Variants in PDZRN3 observed in about 807,000 individuals in gnomAD.
PDZRN3 encodes PDZ domain containing ring finger 3.
Under a neutral mutation model 85.7 loss-of-function variants are expected in PDZRN3, and 38 were observed. That is an observed-to-expected ratio of 0.44 (90% CI 0.34 to 0.58). The LOEUF is 0.58. PDZRN3 is among the 20% of genes least tolerant of loss of function. The pLI, the probability that PDZRN3 is intolerant of heterozygous loss-of-function variation, is 0.01. For missense variants in PDZRN3, 1,629 were observed against 1,506.4 expected (o/e 1.08, Z -1.35); for synonymous variants, 759 against 638.0 (o/e 1.19, Z -2.86).
At chr3:73,439,791 T>C (rs903072833) in intron 3 of PDZRN3, among the ~76,000 whole-genome samples, 2 of 152,154 alleles carry the variant, frequency 1.3e-5, no homozygotes, top group African/African-American at 4.8e-5. Context: ...CAGGCTGGAA[T>C]GCAGTGGTGT....
chr3:73,429,097 G>A (rs966161273), intron 3 of PDZRN3, among the ~76,000 whole-genome samples: 2 of 151,868 alleles, frequency 1.3e-5, no homozygotes, highest in African/African-American at 4.8e-5. Context: ...CTTTTGTAGC[G>A]ATGGGATCTC....
intron 9 of PDZRN3, 86 bp from the exon 10 acceptor site, chr3:73,385,016 A>G (rs1349095475): frequency 4.1e-6 from 6 of 1,468,840 alleles, no homozygotes; most frequent in Non-Finnish European, 5.5e-6. Flanking sequence ...CGGTTTCTGG[A>G]TAGGGCAGGC....
Position 73,404,258 on chromosome 3 carries a change from C to A in PDZRN3, c.1056G>T (p.Gln352His), listed in dbSNP as rs2106728689. The change falls in exon 4 of 10, where the codon CAG (glutamine) becomes CAT (histidine). Residue 352 changes from glutamine to histidine, a missense_variant. Coordinates refer to ENST00000263666, the MANE Select transcript of PDZRN3 (RefSeq NM_015009.3). ...CGGTTTGGGTTCCCGTGTCCACCAG[C>A]TGAGACTCTGATGGAGGCGTGAACA... is the stretch of plus-strand genomic sequence containing the variant. ...TKMFTPPSES[Q>H]LVDTGTQTDI... The A allele has an allele frequency of 6.2e-7, 1 of 1,614,152 alleles. No homozygotes were observed. Among genetic ancestry groups the A allele is most frequent in the South Asian group, 1.1e-5 (1 of 91,072 alleles).
At chr3:73,404,607 A>G in intron 3 of PDZRN3, 1 of 513,152 alleles carries the variant, frequency 1.9e-6, no homozygotes, top group Non-Finnish European at 3.4e-6. Flanking sequence ...GCATGCAATA[A>G]TAAATCTCAC....
intron 3 of PDZRN3, among the ~76,000 whole-genome samples, chr3:73,479,842 G>A (rs997952986): frequency 6.6e-6 from 1 of 152,040 alleles, no homozygotes; most frequent in Admixed American, 6.6e-5. Context: ...GGCTATAGGT[G>A]GTATTATTTT....
chr3:73,519,171 A>C (rs143424874), intron 3 of PDZRN3, among the ~76,000 whole-genome samples: 3 of 152,312 alleles, frequency 2.0e-5, no homozygotes, highest in African/African-American at 7.2e-5. Flanking sequence ...GCACTGGCTG[A>C]TGGAGTCCCT....
chr3:73,539,279 C>T (rs1007997962), intron 3 of PDZRN3, among the ~76,000 whole-genome samples: 1 of 152,138 alleles, frequency 6.6e-6, no homozygotes, highest in Non-Finnish European at 1.5e-5. Flanking sequence ...AGATAGGTCA[C>T]CTTGAGATAG....
chr3:73,391,599 T>C (rs1701529558), intron 5 of PDZRN3, among the ~76,000 whole-genome samples: 1 of 152,252 alleles, frequency 6.6e-6, no homozygotes. Flanking sequence ...GAGGGTAATG[T>C]GATAGCGTGC....
chr3:73,519,435 T>G (rs1267488563), intron 3 of PDZRN3, among the ~76,000 whole-genome samples: 1 of 152,162 alleles, frequency 6.6e-6, no homozygotes, highest in Non-Finnish European at 1.5e-5. Context: ...AGTGTTAACT[T>G]CTGGGGCAAA....
At chr3:73,525,634 C>T (rs1001727702) in intron 3 of PDZRN3, among the ~76,000 whole-genome samples, 1 of 152,150 alleles carries the variant, frequency 6.6e-6, no homozygotes, top group South Asian at 2.1e-4. Context: ...TACCAATAAC[C>T]ACATGCACTC....
intron 3 of PDZRN3, among the ~76,000 whole-genome samples, chr3:73,473,034 G>C (rs1453444881): frequency 6.6e-6 from 1 of 152,114 alleles, no homozygotes; most frequent in East Asian, 1.9e-4. Context: ...GGCAAACTTG[G>C]ATGTGTACAC....
At chr3:73,583,263 G>T (rs1465801180) in intron 3 of PDZRN3, among the ~76,000 whole-genome samples, 1 of 152,154 alleles carries the variant, frequency 6.6e-6, no homozygotes, top group Non-Finnish European at 1.5e-5. Flanking sequence ...TATCAGAGCT[G>T]GGATTCAAAC....
At chr3:73,510,983 G>A (rs1001826893) in intron 3 of PDZRN3, among the ~76,000 whole-genome samples, 4 of 152,052 alleles carry the variant, frequency 2.6e-5, no homozygotes, top group African/African-American at 4.8e-5. Context: ...GTGGCTGGGG[G>A]GACCACTGAA....
At chr3:73,593,709 T>C (rs13068087) in intron 3 of PDZRN3, among the ~76,000 whole-genome samples, 9,578 of 141,778 alleles carry the variant, frequency 0.068, 364 homozygotes, top group Middle Eastern at 0.13. Context: ...GAAATAAATA[T>C]ACACACACAC....
intron 3 of PDZRN3, among the ~76,000 whole-genome samples, chr3:73,580,441 G>A (rs1702183990): frequency 6.6e-6 from 1 of 152,238 alleles, no homozygotes; most frequent in Non-Finnish European, 1.5e-5. Context: ...CTTAGCCAGA[G>A]AGGCAAACAC....
chr3:73,464,629 A>C (rs931321451), intron 3 of PDZRN3, among the ~76,000 whole-genome samples: 1 of 152,144 alleles, frequency 6.6e-6, no homozygotes, highest in Admixed American at 6.5e-5. Context: ...ACAACGTTGA[A>C]TCATTATTAA....
intron 3 of PDZRN3, among the ~76,000 whole-genome samples, chr3:73,562,983 TTATATATA>T (rs56679097): frequency 0.013 from 249 of 18,958 alleles, 14 homozygotes; most frequent in African/African-American, 0.026. Flanking sequence ...AGTTGGCAAA[TTATATATA>T]TATATATATA....
At chr3:73,549,836 G>A (rs548622311) in intron 3 of PDZRN3, among the ~76,000 whole-genome samples, 121 of 152,234 alleles carry the variant, frequency 7.9e-4, no homozygotes, top group South Asian at 2.1e-3. Flanking sequence ...CTTAAGCTAC[G>A]TATCTCAGTA....
intron 3 of PDZRN3, among the ~76,000 whole-genome samples, chr3:73,417,826 A>G (rs1702122811): frequency 1.3e-5 from 2 of 152,234 alleles, no homozygotes; most frequent in Non-Finnish European, 1.5e-5. Flanking sequence ...ACTGTCTCCA[A>G]GCTATCTATC....
Sources: gnomAD v4.1 joint callset for allele counts (sites outside exome capture counted in the v4.1 genomes callset) on GRCh38, gnomAD v4.1.1 for gene constraint, MANE v1.5 for transcripts, NCBI Gene and HGNC (gene_info 2026-07-23, HGNC 2026-07-21) for gene names.